Variants in PDE8A observed in about 807,000 individuals in gnomAD.
PDE8A encodes the protein phosphodiesterase 8A.
A neutral mutation model predicts 105.0 loss-of-function variants in PDE8A; 59 were observed. The observed-to-expected ratio is 0.56, with a 90% CI of 0.46 to 0.70. PDE8A has a LOEUF of 0.70. Among genes scored for constraint, PDE8A ranks in the 30% least tolerant of loss-of-function variants. The pLI is 0.00. For synonymous variants in PDE8A, 355 were observed against 371.9 expected, an observed-to-expected ratio of 0.95 and a Z score of 0.52; for missense variants, 1,014 against 1,045.9, an observed-to-expected ratio of 0.97 and a Z score of 0.42.
intron 11 of PDE8A, among the ~76,000 whole-genome samples, chr15:85,102,649 G>T (rs567482065): frequency 1.6e-3 from 249 of 151,752 alleles, no homozygotes; most frequent in African/African-American, 5.7e-3. Flanking sequence ...AGAGCAGCCT[G>T]ACCAACATGG....
intron 19 of PDE8A, 66 bp from the exon 20 acceptor site, chr15:85,126,141 C>T: frequency 8.6e-7 from 1 of 1,157,764 alleles, no homozygotes; most frequent in Non-Finnish European, 1.2e-6. Flanking sequence ...GTGGGACAGA[C>T]CAGTAAGAGA....
intron 20 of PDE8A, among the ~76,000 whole-genome samples, chr15:85,133,416 C>T (rs532386396): frequency 1.4e-4 from 22 of 152,302 alleles, no homozygotes; most frequent in African/African-American, 3.6e-4. Flanking sequence ...CTGCTCCCTC[C>T]GGTTCAAGGG....
Position 84,982,250 on chromosome 15 carries a change from G to T in PDE8A, c.88G>T (p.Gly30Trp), listed in dbSNP as rs765047902. 6.9e-7 allele frequency: 1 copy of T among 1,458,758 alleles called. No individual in the cohort carries two copies. Among genetic ancestry groups the T allele is most frequent in the Non-Finnish European group, 9.0e-7 (1 of 1,114,100 alleles). The allele number at this position is 1,458,758 out of a possible 1,614,324, so 90.4% of individuals were successfully genotyped here. A position where few individuals can be genotyped will look rare whatever the true frequency, so the allele number is the denominator to read the frequency against. ...CGCGGCACCGCCGCTGTCGTCCGGCGGGCCGCGCCTCCCGCAGGGCCAGAA... is the reference window on the plus strand; with the variant it reads ...CGCGGCACCGCCGCTGTCGTCCGGCTGGCCGCGCCTCCCGCAGGGCCAGAA... ...SPAAPPLSSG[G>W]PRLPQGQKTA... Residue 30 changes from glycine (G) to tryptophan (W), a missense_variant, in exon 1 of 22, where the codon GGG becomes TGG. Transcript: ENST00000394553.
intron 1 of PDE8A, among the ~76,000 whole-genome samples, chr15:85,009,934 A>G (rs1329019982): frequency 1.3e-5 from 2 of 152,260 alleles, no homozygotes; most frequent in Non-Finnish European, 1.5e-5. Context: ...GAAACACTTT[A>G]TAGCAATGGA....
chr15:85,090,836 C>T lies in PDE8A; in HGVS notation c.715-208C>T, dbSNP rs570255283. The T allele has an allele frequency of 3.0e-5, 19 of 628,598 alleles. 1 individual carries two copies. Among genetic ancestry groups the T allele is most frequent in the East Asian group, 1.6e-4 (5 of 31,188 alleles). The allele number at this position is 628,598 out of a possible 1,614,324, so 38.9% of individuals were successfully genotyped here. Reference sequence around the variant, plus strand: ...AGGAGAACATAGCAGAAAGCCCAGCCGGGTATCACCCAAGCAGAAGCTCGT... The same window carrying T: ...AGGAGAACATAGCAGAAAGCCCAGCTGGGTATCACCCAAGCAGAAGCTCGT... On this transcript the variant is annotated intron_variant, in intron 7 of 21. Transcript: ENST00000394553.
chr15:85,119,988 G>A (rs1040859457), intron 17 of PDE8A, among the ~76,000 whole-genome samples: 4 of 151,944 alleles, frequency 2.6e-5, no homozygotes, highest in African/African-American at 9.7e-5. Context: ...AATAGGTGAA[G>A]TTCTAGCCAA....
chr15:85,131,949 A>T (rs78768876), intron 20 of PDE8A, among the ~76,000 whole-genome samples: 31 of 152,196 alleles, frequency 2.0e-4, no homozygotes, highest in Admixed American at 4.6e-4. Context: ...TCTGCTGAGA[A>T]ATGAGCAGAT....
chr15:84,985,796 C>T (rs1258528283), intron 1 of PDE8A, among the ~76,000 whole-genome samples: 1 of 152,120 alleles, frequency 6.6e-6, no homozygotes, highest in Non-Finnish European at 1.5e-5. Context: ...AAATAGAAGC[C>T]AGTTTTAACC....
At chr15:85,048,956 G>A (rs540549065) in intron 1 of PDE8A, among the ~76,000 whole-genome samples, 3 of 152,202 alleles carry the variant, frequency 2.0e-5, no homozygotes, top group African/African-American at 7.2e-5. Context: ...ACAAAAATTA[G>A]CCAGGCGTGG....
At chr15:84,993,506 C>T (rs1054228768) in intron 1 of PDE8A, among the ~76,000 whole-genome samples, 1 of 147,484 alleles carries the variant, frequency 6.8e-6, no homozygotes, top group Non-Finnish European at 1.5e-5. Flanking sequence ...TTAAATTGCA[C>T]AGTCAGGAGA....
At position 85,053,896 on chromosome 15, in the gene PDE8A, A is replaced by C. The variant is rs1222364172; in HGVS notation, c.187-10474A>C. ...AGAGAGGGCATCCCTGTCTTGTGCC[A>C]GTTTTCAAAGGGAATGCTTCCAGTT... is the stretch of plus-strand genomic sequence containing the variant. On this transcript the variant is annotated intron_variant, in intron 1 of 21. Coordinates refer to ENST00000394553, the MANE Select transcript of PDE8A (RefSeq NM_002605.3). Among the ~76,000 whole-genome samples, 5 of 152,318 alleles carry C rather than the reference A, an allele frequency of 3.3e-5. No individual in the cohort carries two copies. In the East Asian group the frequency reaches 9.6e-4, roughly 29 times the overall value.
At position 85,119,484 on chromosome 15, in the gene PDE8A, T is replaced by A. The variant is rs904490642; in HGVS notation, c.1735-1313T>A. On this transcript the variant is annotated intron_variant, in intron 17 of 21. Transcript: ENST00000394553. ...CTCTCGTCTCAAAAAAAAAAAAACA[T>A]TTATTGAAATGTAATTCACATACCA... 1.0e-3 allele frequency among the ~76,000 whole-genome samples: 54 copies of A among 53,488 alleles called. 1 individual carries two copies. The highest frequency in any genetic ancestry group is 3.2e-3 in the African/African-American group (50 of 15,470). 35.1% of individuals were successfully genotyped at this position (53,488 alleles called of 152,430 possible).
chr15:85,087,291 C>T (rs1383698989), intron 6 of PDE8A, among the ~76,000 whole-genome samples: 1 of 152,108 alleles, frequency 6.6e-6, no homozygotes, highest in Non-Finnish European at 1.5e-5. Context: ...CATCCTTGAC[C>T]TCTTGGGCTC....
chr15:85,119,601 CAA>C (rs1445550391), intron 17 of PDE8A, among the ~76,000 whole-genome samples: 1 of 151,714 alleles, frequency 6.6e-6, no homozygotes, highest in Middle Eastern at 3.4e-3. Context: ...CTATACATCT[CAA>C]GAGTCTGTAG....
At chr15:85,076,811 A>G (rs771511209) in intron 5 of PDE8A, 24 bp downstream of exon 5, 6 of 1,359,112 alleles carry the variant, frequency 4.4e-6, no homozygotes, top group Middle Eastern at 1.8e-4. Context: ...TATTTGTTAT[A>G]CAAGTATAAT....
chr15:84,991,352 G>A (rs2079882933), intron 1 of PDE8A, among the ~76,000 whole-genome samples: 2 of 152,156 alleles, frequency 1.3e-5, no homozygotes. Flanking sequence ...GCACTAAGAG[G>A]AAACCAAATA....
At chr15:85,011,697 G>A (rs1490232528) in intron 1 of PDE8A, among the ~76,000 whole-genome samples, 1 of 152,050 alleles carries the variant, frequency 6.6e-6, no homozygotes, top group Non-Finnish European at 1.5e-5. Context: ...TTGACACATG[G>A]GATCTAATTA....
At chr15:85,126,025 T>C (rs2082253034) in intron 19 of PDE8A, among the ~76,000 whole-genome samples, 182 bp from the exon 20 acceptor site, 1 of 152,054 alleles carries the variant, frequency 6.6e-6, no homozygotes, top group Admixed American at 6.6e-5. Context: ...TGAGCCTCGG[T>C]TTTCTCCTGG....
intron 3 of PDE8A, among the ~76,000 whole-genome samples, chr15:85,072,408 A>G (rs2081324817): frequency 6.6e-6 from 1 of 152,162 alleles, no homozygotes; most frequent in Non-Finnish European, 1.5e-5. Context: ...TTCTTTTCCT[A>G]ATAACAGAAT....
Sources: gnomAD v4.1 joint callset for allele counts (sites outside exome capture counted in the v4.1 genomes callset) on GRCh38, gnomAD v4.1.1 for gene constraint, MANE v1.5 for transcripts, NCBI Gene and HGNC (gene_info 2026-07-23, HGNC 2026-07-21) for gene names.